Variants in VPS13B observed in about 807,000 individuals in gnomAD.
The protein encoded by VPS13B is intermembrane lipid transfer protein VPS13B.
A neutral mutation model predicts 426.4 loss-of-function variants in VPS13B; 285 were observed. The observed-to-expected ratio is 0.67, with a 90% confidence interval of 0.61 to 0.74. The LOEUF (loss-of-function observed/expected upper bound fraction) is 0.74, where lower values mean the gene tolerates loss of function less well. Among genes scored for constraint, VPS13B ranks in the 30% least tolerant of loss-of-function variants. VPS13B has a pLI of 0.00. For missense variants in VPS13B, 4,537 were observed against 4,782.6 expected (o/e 0.95, Z 1.51); for synonymous variants, 1,676 against 1,676.4 (o/e 1.00, Z 0.01).
intron 19 of VPS13B, among the ~76,000 whole-genome samples, chr8:99,305,953 TG>T (rs1820613647): frequency 6.6e-6 from 1 of 152,140 alleles, no homozygotes; most frequent in Admixed American, 6.6e-5. Flanking sequence ...AAAAATTGCC[TG>T]TTTCTCACTT....
chr8:99,147,310 C>A (rs1810791335), intron 13 of VPS13B, among the ~76,000 whole-genome samples: 1 of 152,010 alleles, frequency 6.6e-6, no homozygotes, highest in Non-Finnish European at 1.5e-5. Flanking sequence ...TGGGGTTTTA[C>A]CATGTTGGCC....
intron 34 of VPS13B, among the ~76,000 whole-genome samples, chr8:99,654,258 A>C (rs1431569311): frequency 2.6e-5 from 4 of 151,486 alleles, no homozygotes; most frequent in Non-Finnish European, 4.4e-5. Flanking sequence ...CTGTGTTAGC[A>C]AGGATGATCT....
chr8:99,525,172 A>G (rs539218332), intron 30 of VPS13B, among the ~76,000 whole-genome samples: 2 of 152,230 alleles, frequency 1.3e-5, no homozygotes, highest in African/African-American at 4.8e-5. Flanking sequence ...TATGTGAACT[A>G]CTCATATATT....
rs114661945 is a variant in VPS13B, at chr8:99,530,678, T to C, written c.4745+9668T>C. Among the ~76,000 whole-genome samples the C allele has an allele frequency of 1.6e-3, 250 of 151,740 alleles. 1 individual carries two copies. The highest frequency in any genetic ancestry group is 5.9e-3 in the African/African-American group (246 of 41,500). On this transcript the variant is annotated intron_variant, in intron 30 of 61. Transcript: ENST00000357162. The stretch of plus-strand genomic sequence containing the variant: ...AGCAGCAGTAATAGCTAACATCTAT[T>C]GAGTGCTTCCTTTGTGTCAAAGATT...
intron 39 of VPS13B, among the ~76,000 whole-genome samples, chr8:99,748,129 T>G (rs1810192697): frequency 6.6e-6 from 1 of 152,072 alleles, no homozygotes; most frequent in African/African-American, 2.4e-5. Context: ...ATGGCTTTTA[T>G]TCTACCCTAT....
In VPS13B at chr8:99,861,777, T is replaced by C; in HGVS notation, c.11046T>C (p.Gly3682=). The C allele has an allele frequency of 1.3e-6, 2 of 1,592,852 alleles. No homozygotes were observed. Among genetic ancestry groups the C allele is most frequent in the Non-Finnish European group, 1.7e-6 (2 of 1,169,582 alleles). The change falls in exon 58 of 62, where the codon GGT becomes GGC. Residue 3682 remains glycine (G), a splice_region_variant and synonymous_variant. Transcript: ENST00000357162. Reference sequence around the variant, plus strand: ...AACCCCATGCTCTTGTTCCCTCAGGTACCCTCACATCCATCACCAACCTCG... The same window carrying C: ...AACCCCATGCTCTTGTTCCCTCAGGCACCCTCACATCCATCACCAACCTCG... ...TTSFVKHISK[G]TLTSITNLAT...
At chr8:99,242,129 C>T (rs192901951) in intron 17 of VPS13B, among the ~76,000 whole-genome samples, 72 of 152,204 alleles carry the variant, frequency 4.7e-4, no homozygotes, top group African/African-American at 1.4e-3. Context: ...TACAGGCGTC[C>T]GCCACCATGG....
chr8:99,803,212 G>T (rs1167137891), intron 43 of VPS13B, among the ~76,000 whole-genome samples: 1 of 152,120 alleles, frequency 6.6e-6, no homozygotes, highest in Non-Finnish European at 1.5e-5. Context: ...TTACCTTTCA[G>T]CCACAATTTT....
intron 17 of VPS13B, among the ~76,000 whole-genome samples, chr8:99,248,818 C>A (rs1817356301): frequency 1.3e-5 from 2 of 151,976 alleles, no homozygotes; most frequent in African/African-American, 2.4e-5. Flanking sequence ...TCCCTCCCTC[C>A]CATCCCTCAG....
intron 59 of VPS13B, 83 bp downstream of exon 59, chr8:99,868,548 A>G: frequency 6.7e-7 from 1 of 1,502,530 alleles, no homozygotes; most frequent in South Asian, 1.2e-5. Context: ...AGATAGTGTA[A>G]CCTTTCACAT....
chr8:99,507,178 T>G lies in VPS13B; in HGVS notation c.4199T>G (p.Phe1400Cys). 1 of 1,613,988 alleles carries G rather than the reference T, an allele frequency of 6.2e-7. No homozygotes were observed. Among genetic ancestry groups the G allele is most frequent in the East Asian group, 2.2e-5 (1 of 44,852 alleles). The change falls in exon 28 of 62, where the codon TTT (phenylalanine) becomes TGT (cysteine). Residue 1400 changes from phenylalanine to cysteine, a missense_variant. Around this residue, in one of 2 missense-constraint regions of VPS13B, gnomAD observed 4,311 missense variants for 4,474.3 expected, o/e 0.96. Coordinates refer to ENST00000357162, the MANE Select transcript of VPS13B (RefSeq NM_152564.5). ...GWQSGHFEGV[F>C]LQCKEKSVTT... ...CAGTCAGGACATTTTGAAGGAGTAT[T>G]TCTACAATGCAAAGAAAAATCTGTG...
chr8:99,376,336 T>C (rs185758854), intron 19 of VPS13B, among the ~76,000 whole-genome samples: 47 of 152,348 alleles, frequency 3.1e-4, no homozygotes, highest in Non-Finnish European at 5.9e-4. Context: ...AAAATCTCTC[T>C]CTAAATTAAA....
rs147220851 is a variant in VPS13B, at chr8:99,343,344, G to T, written c.2825-40864G>T. On this transcript the variant is annotated intron_variant, in intron 19 of 61. Transcript: ENST00000357162. The stretch of plus-strand genomic sequence containing the variant: ...CTTGACCTCATGATCCACCCACCTC[G>T]GCCTCCCAAAGTGCTAGGATTACAG... Among the ~76,000 whole-genome samples the T allele has an allele frequency of 3.7e-3, 568 of 152,092 alleles. 7 individuals carry two copies. The East Asian group carries it at 0.04, about 11-fold the overall frequency.
At chr8:99,835,366 A>AT (rs776658301) in intron 53 of VPS13B, 42 bp downstream of exon 53, 10 of 1,590,362 alleles carry the variant, frequency 6.3e-6, no homozygotes, top group South Asian at 2.2e-5. Flanking sequence ...CTAAATGTGT[A>AT]TTTTTTCTGG....
At chr8:99,152,825 G>A (rs1004132827) in intron 14 of VPS13B, among the ~76,000 whole-genome samples, 1 of 152,094 alleles carries the variant, frequency 6.6e-6, no homozygotes, top group Non-Finnish European at 1.5e-5. Context: ...CTTTTGATTA[G>A]TTTTAGTAAG....
chr8:99,661,620 A>G (rs1201839507), intron 35 of VPS13B, 129 bp downstream of exon 35: 1 of 1,177,996 alleles, frequency 8.5e-7, no homozygotes, highest in Non-Finnish European at 1.2e-6. Context: ...CCAGAGGTGT[A>G]TGCTTTTCAG....
chr8:99,345,916 T>A (rs1464813142), intron 19 of VPS13B: 1 of 152,290 alleles, frequency 6.6e-6, no homozygotes, highest in Non-Finnish European at 1.5e-5. Context: ...CCATGCCATC[T>A]TAGAGCAGAA....
intron 19 of VPS13B, among the ~76,000 whole-genome samples, chr8:99,372,259 A>C (rs150537505): frequency 0.017 from 2,592 of 151,818 alleles, 72 homozygotes; most frequent in African/African-American, 0.059. Context: ...CAAAAAAAAA[A>C]AAAAAACAAA....
intron 22 of VPS13B, among the ~76,000 whole-genome samples, chr8:99,434,478 G>A (rs1817273571): frequency 6.6e-6 from 1 of 152,064 alleles, no homozygotes; most frequent in South Asian, 2.1e-4. Context: ...TTACATTTGT[G>A]GTGATTTCTT....
Sources: gnomAD v4.1 joint callset for allele counts (sites outside exome capture counted in the v4.1 genomes callset) on GRCh38, gnomAD v4.1.1 for gene constraint, gnomAD v4.1.1 regional missense constraint, MANE v1.5 for transcripts, NCBI Gene and HGNC (gene_info 2026-07-23, HGNC 2026-07-21) for gene names.